The following FUBP1 variants were observed in gnomAD, a reference collection of about 807,000 sequenced individuals.
The protein encoded by FUBP1 is far upstream element-binding protein 1.
In FUBP1, 16 loss-of-function variants were observed where a neutral mutation model predicts 94.9. The ratio of observed to expected loss-of-function variants is 0.17; its 90% CI spans 0.11 to 0.26. FUBP1 has a LOEUF of 0.26. Among genes scored for constraint, FUBP1 ranks in the 10% least tolerant of loss-of-function variants. FUBP1 has a pLI of 1.00. For missense variants in FUBP1, 583 were observed against 808.6 expected, an observed-to-expected ratio of 0.72 and a Z score of 3.38; for synonymous variants, 279 against 254.9, an observed-to-expected ratio of 1.09 and a Z score of -0.90.
In FUBP1 at chr1:77,966,891, T is replaced by A. The variant is rs2102420918; in HGVS notation, c.408A>T (p.Ile136=). The change falls in exon 6 of 20, where the codon ATA becomes ATT. Residue 136 remains isoleucine (I), a synonymous_variant. Transcript: ENST00000370768. ...IQQESGCKIQ[I]APDSGGLPER... ...ATGAGAATGTAACATTACCAGGAGC[T>A]ATCTGTATTTTGCATCCAGATTCCT... is the stretch of plus-strand genomic sequence containing the variant. The A allele has an allele frequency of 6.4e-7, 1 of 1,565,732 alleles. No homozygotes were observed. The highest frequency in any genetic ancestry group is 8.8e-7 in the Non-Finnish European group (1 of 1,136,320).
intron 1 of FUBP1, among the ~76,000 whole-genome samples, chr1:77,974,680 G>GAA (rs1284477369): frequency 1.3e-5 from 2 of 152,270 alleles, no homozygotes; most frequent in Non-Finnish European, 2.9e-5. Context: ...GTCTGATTTA[G>GAA]AATTTAAACT....
At chr1:77,969,482 C>A (rs1188622711) in intron 2 of FUBP1, among the ~76,000 whole-genome samples, 1 of 151,752 alleles carries the variant, frequency 6.6e-6, no homozygotes, top group East Asian at 1.9e-4. Context: ...TAACCTGCAA[C>A]ACACTAGAGT....
chr1:77,948,625 C>CA lies in FUBP1; in HGVS notation c.*140dup, dbSNP rs60897865. The CA allele has an allele frequency of 0.2, 187,623 of 958,172 alleles. 1,003 individuals are homozygous for CA. The highest frequency in any genetic ancestry group is 0.21 in the Middle Eastern group (601 of 2,822). The allele number at this position is 958,172 out of a possible 1,614,324, so 59.4% of individuals were successfully genotyped here. A position where few individuals can be genotyped will look rare whatever the true frequency, so the allele number is the denominator to read the frequency against. ...TAGTGATAGATATTTTGTACATTTT[C>CA]AAAAAAAAAAAAAAAAAAGGAAACA... On this transcript the variant is annotated 3_prime_UTR_variant, in exon 20 of 20. Coordinates refer to ENST00000370768, the MANE Select transcript of FUBP1 (RefSeq NM_003902.5).
At position 77,947,427 on chromosome 1, in the gene FUBP1, T is replaced by C. The variant is rs1444730397; in HGVS notation, c.*1339A>G. On this transcript the variant is annotated 3_prime_UTR_variant, in exon 20 of 20. Coordinates refer to ENST00000370768, the MANE Select transcript of FUBP1 (RefSeq NM_003902.5). ...GACAAAAAGATACTGTTGCAGTTCA[T>C]CAATTTGTCATTCTGATGTACTTAC... 3.1e-6 allele frequency: 2 copies of C among 641,362 alleles called. No individual in the cohort carries two copies. The highest frequency in any genetic ancestry group is 2.3e-5 in the Admixed American group (1 of 44,176). The allele number at this position is 641,362 out of a possible 1,614,324, so 39.7% of individuals were successfully genotyped here. A position where few individuals can be genotyped will look rare whatever the true frequency, so the allele number is the denominator to read the frequency against.
chr1:77,977,604 T>C (rs1658916597), intron 1 of FUBP1, among the ~76,000 whole-genome samples: 1 of 152,158 alleles, frequency 6.6e-6, no homozygotes, highest in South Asian at 2.1e-4. Context: ...TCTGGTAAAA[T>C]AAAATAGTTG....
chr1:77,953,890 A>G (rs1484451150), intron 18 of FUBP1, among the ~76,000 whole-genome samples: 1 of 152,190 alleles, frequency 6.6e-6, no homozygotes, highest in Non-Finnish European at 1.5e-5. Context: ...CTCCATAATT[A>G]CCTAAATCCA....
At chr1:77,966,330 T>C (rs1354392805) in intron 7 of FUBP1, among the ~76,000 whole-genome samples, 3 of 150,986 alleles carry the variant, frequency 2.0e-5, no homozygotes, top group Non-Finnish European at 4.4e-5. Context: ...GGGAGAGGAG[T>C]GGAAAAGTGA....
intron 3 of FUBP1, 103 bp from the exon 4 acceptor site, chr1:77,967,769 T>G: frequency 1.4e-6 from 1 of 724,704 alleles, no homozygotes; most frequent in Non-Finnish European, 2.3e-6. Context: ...CTCTCCCTAA[T>G]GCACAGACAA....
At chr1:77,972,004 C>G (rs1420737270) in intron 1 of FUBP1, among the ~76,000 whole-genome samples, 1 of 84,146 alleles carries the variant, frequency 1.2e-5, no homozygotes, top group South Asian at 3.9e-4. Flanking sequence ...GACTCTGTCT[C>G]AAAAAAAAAA....
Position 77,964,235 on chromosome 1 carries a change from GATT to G in FUBP1, c.940+16_940+18del, listed in dbSNP as rs1453848356. ...AACTCACTGCTGCCAACACTTACAA[GATT>G]ATTATATGTACTCACCTGGCTTAAA... On this transcript the variant is annotated intron_variant, in intron 11 of 19. Transcript: ENST00000370768. The G allele has an allele frequency of 1.9e-6, 3 of 1,561,238 alleles. No individual in the cohort carries two copies. Among genetic ancestry groups the G allele is most frequent in the Non-Finnish European group, 2.6e-6 (3 of 1,132,464 alleles).
chr1:77,971,313 C>T (rs1222619814), intron 1 of FUBP1, among the ~76,000 whole-genome samples: 1 of 152,064 alleles, frequency 6.6e-6, no homozygotes, highest in Non-Finnish European at 1.5e-5. Flanking sequence ...TTGAAATCTT[C>T]CATGAAAAAA....
At chr1:77,958,273 A>C (rs1348482204) in intron 16 of FUBP1, among the ~76,000 whole-genome samples, 1 of 152,210 alleles carries the variant, frequency 6.6e-6, no homozygotes, top group Non-Finnish European at 1.5e-5. Context: ...CTAAATATTC[A>C]CTCAACCCGA....
At chr1:77,956,725 T>C (rs374181021) in intron 16 of FUBP1, 25 bp from the exon 17 acceptor site, 5 of 1,599,452 alleles carry the variant, frequency 3.1e-6, no homozygotes, top group African/African-American at 2.7e-5. Context: ...AGTTCAAGGT[T>C]TGCATGTGAA....
At position 77,958,118 on chromosome 1, in the gene FUBP1, T is replaced by C. The variant is rs137904470; in HGVS notation, c.1577-1418A>G. ...TTATCTGTATATTAATCAAGAAATCTAGGTATTTCACTTTACACTATGCCT... is the reference window on the plus strand; with the variant it reads ...TTATCTGTATATTAATCAAGAAATCCAGGTATTTCACTTTACACTATGCCT... On this transcript the variant is annotated intron_variant, in intron 16 of 19. Coordinates refer to ENST00000370768, the MANE Select transcript of FUBP1 (RefSeq NM_003902.5). Among the ~76,000 whole-genome samples the C allele has an allele frequency of 1.1e-4, 16 of 152,322 alleles. No homozygotes were observed. The East Asian group carries it at 2.1e-3, about 20-fold the overall frequency.
upstream of FUBP1, chr1:77,979,114 C>G (rs1367027008): frequency 5.3e-6 from 6 of 1,139,460 alleles, no homozygotes; most frequent in African/African-American, 9.4e-5. Flanking sequence ...CTTGCGCGAC[C>G]ATCGTGCCGT....
intron 14 of FUBP1, among the ~76,000 whole-genome samples, chr1:77,961,248 G>C (rs1299925821): frequency 1.3e-5 from 2 of 152,196 alleles, no homozygotes; most frequent in East Asian, 3.8e-4. Flanking sequence ...CTTCTGAGTA[G>C]TTAACACAAC....
intron 14 of FUBP1, among the ~76,000 whole-genome samples, 161 bp downstream of exon 14, chr1:77,962,609 T>C (rs1655705227): frequency 1.3e-5 from 2 of 152,218 alleles, no homozygotes; most frequent in Admixed American, 1.3e-4. Context: ...GTTATTTTCA[T>C]TGCTGGAAAA....
chr1:77,955,837 C>G (rs923536411), intron 17 of FUBP1, among the ~76,000 whole-genome samples: 5 of 152,136 alleles, frequency 3.3e-5, no homozygotes, highest in Middle Eastern at 3.2e-3. Flanking sequence ...CAAGCATACT[C>G]AAGTCTCGTT....
intron 1 of FUBP1, among the ~76,000 whole-genome samples, chr1:77,977,649 C>T (rs997657603): frequency 6.6e-6 from 1 of 152,182 alleles, no homozygotes; most frequent in Non-Finnish European, 1.5e-5. Flanking sequence ...TTAAGTTTTA[C>T]AAATCAATCT....
Sources: allele counts gnomAD v4.1 joint callset (sites outside exome capture counted in the v4.1 genomes callset), GRCh38; gene constraint gnomAD v4.1.1; transcripts MANE v1.5; gene names NCBI Gene and HGNC (gene_info 2026-07-23, HGNC 2026-07-21).